Variants in MERTK observed in about 807,000 individuals in gnomAD.
MERTK encodes MER proto-oncogene, tyrosine kinase.
Under a neutral mutation model 99.3 loss-of-function variants are expected in MERTK, and 69 were observed. That is an observed-to-expected ratio of 0.70 (90% CI 0.57 to 0.85). The LOEUF is 0.85. MERTK is among the 40% of genes least tolerant of loss of function. The probability of loss-of-function intolerance (pLI) is 0.00; values close to 1 mark genes in which losing one functional copy is unlikely to be tolerated. For missense variants in MERTK, 1,125 were observed against 1,249.4 expected, an observed-to-expected ratio of 0.90 and a Z score of 1.50; for synonymous variants, 426 against 467.6, an observed-to-expected ratio of 0.91 and a Z score of 1.15.
intron 1 of MERTK, among the ~76,000 whole-genome samples, chr2:111,924,813 C>G (rs529875117): frequency 1.3e-5 from 2 of 152,152 alleles, no homozygotes; most frequent in Non-Finnish European, 2.9e-5. Flanking sequence ...TTCCCACCAC[C>G]TTTGACCCTG....
chr2:111,975,507 A>G, intron 7 of MERTK, 35 bp downstream of exon 7: 2 of 1,604,024 alleles, frequency 1.2e-6, no homozygotes, highest in Non-Finnish European at 1.7e-6. Context: ...TATTGCCCCC[A>G]ATGACATGTG....
chr2:111,962,642 T>G (rs1685271942), intron 4 of MERTK, among the ~76,000 whole-genome samples: 1 of 152,236 alleles, frequency 6.6e-6, no homozygotes, highest in African/African-American at 2.4e-5. Context: ...TTTGCTACAA[T>G]TGATGAACCA....
chr2:111,965,869 G>T (rs539439762), intron 5 of MERTK, among the ~76,000 whole-genome samples: 42 of 152,258 alleles, frequency 2.8e-4, no homozygotes, highest in Non-Finnish European at 5.0e-4. Context: ...CTCTGAGCTA[G>T]GATTTCACTA....
intron 1 of MERTK, among the ~76,000 whole-genome samples, chr2:111,908,180 G>A (rs1684175863): frequency 6.6e-6 from 1 of 152,164 alleles, no homozygotes; most frequent in Non-Finnish European, 1.5e-5. Context: ...AGAATGTTGA[G>A]CTGGATGATT....
Position 111,975,394 on chromosome 2 carries a change from A to G in MERTK, c.1066A>G (p.Ser356Gly). 4 of 1,614,206 alleles carry G rather than the reference A, an allele frequency of 2.5e-6. No individual in the cohort carries two copies. Among genetic ancestry groups the G allele is most frequent in the Non-Finnish European group, 3.4e-6 (4 of 1,180,034 alleles). ...IKQLQALANYSIGVSCMNEIG... is the reference protein window; with the variant it reads ...IKQLQALANYGIGVSCMNEIG... ...GCAGCTGCAAGCCCTGGCTAATTACAGCATTGGTGTTTCCTGCATGAATGA... is the reference window on the plus strand; with the variant it reads ...GCAGCTGCAAGCCCTGGCTAATTACGGCATTGGTGTTTCCTGCATGAATGA... The change falls in exon 7 of 19, where the codon AGC (serine) becomes GGC (glycine). Residue 356 changes from serine to glycine, a missense_variant. Coordinates refer to ENST00000295408, the MANE Select transcript of MERTK (RefSeq NM_006343.3).
intron 1 of MERTK, among the ~76,000 whole-genome samples, chr2:111,914,620 G>A (rs1313589172): frequency 2.0e-5 from 3 of 152,060 alleles, no homozygotes; most frequent in East Asian, 1.9e-4. Flanking sequence ...CCCCATGAGC[G>A]AATATTGAAT....
At chr2:112,009,924 T>C (rs772101084) in intron 14 of MERTK, 24 bp from the exon 15 acceptor site, 21 of 1,542,558 alleles carry the variant, frequency 1.4e-5, no homozygotes. Flanking sequence ...CTCTTTGTAA[T>C]TGATGCTGTG....
chr2:111,961,679 G>A (rs1380902416), intron 4 of MERTK, among the ~76,000 whole-genome samples: 1 of 152,158 alleles, frequency 6.6e-6, no homozygotes, highest in Non-Finnish European at 1.5e-5. Context: ...TGTAGTCAGG[G>A]AAACGCAGAC....
intron 4 of MERTK, among the ~76,000 whole-genome samples, chr2:111,948,232 T>C (rs1273233587): frequency 6.6e-6 from 1 of 152,160 alleles, no homozygotes; most frequent in African/African-American, 2.4e-5. Flanking sequence ...CCTGAGGCTG[T>C]TCTAGGCCTT....
intron 1 of MERTK, among the ~76,000 whole-genome samples, chr2:111,917,349 T>A (rs1011781349): frequency 1.3e-5 from 2 of 152,182 alleles, no homozygotes; most frequent in African/African-American, 4.8e-5. Context: ...GATTTCTCAC[T>A]TGACTTTTGC....
intron 1 of MERTK, among the ~76,000 whole-genome samples, chr2:111,900,822 G>A (rs181089364): frequency 2.0e-5 from 3 of 152,270 alleles, no homozygotes; most frequent in Admixed American, 2.0e-4. Context: ...AAGGAGTGCT[G>A]TATGAAGAAA....
chr2:111,961,156 C>CTCTTTT (rs1685242099), intron 4 of MERTK, among the ~76,000 whole-genome samples: 11 of 98,082 alleles, frequency 1.1e-4, no homozygotes, highest in Non-Finnish European at 2.0e-4. Flanking sequence ...AATTTTCTTT[C>CTCTTTT]TTTTTTTTTT....
At chr2:111,977,521 G>A (rs1676277018) in intron 7 of MERTK, among the ~76,000 whole-genome samples, 1 of 152,092 alleles carries the variant, frequency 6.6e-6, no homozygotes, top group South Asian at 2.1e-4. Context: ...ATTGTGACAG[G>A]CTTTGGTGTA....
intron 3 of MERTK, among the ~76,000 whole-genome samples, chr2:111,946,346 A>G (rs1684961683): frequency 6.6e-6 from 1 of 152,244 alleles, no homozygotes; most frequent in South Asian, 2.1e-4. Flanking sequence ...AAAAACCTTG[A>G]AACAGGATAA....
chr2:111,902,267 G>C (rs1050031721), intron 1 of MERTK, among the ~76,000 whole-genome samples: 3 of 152,186 alleles, frequency 2.0e-5, no homozygotes, highest in African/African-American at 7.2e-5. Flanking sequence ...GTCAGCATTG[G>C]TCAAGAAGAG....
intron 6 of MERTK, among the ~76,000 whole-genome samples, chr2:111,974,769 CAAAAAA>C (rs35594851): frequency 5.4e-4 from 29 of 53,380 alleles, no homozygotes; most frequent in African/African-American, 8.7e-4. Flanking sequence ...AGGTCCATCT[CAAAAAA>C]AAAAAAAAAA....
chr2:111,929,558 C>T lies in MERTK; in HGVS notation c.482+18C>T, dbSNP rs1246098157. The T allele has an allele frequency of 6.9e-7, 1 of 1,451,418 alleles. No homozygotes were observed. The highest frequency in any genetic ancestry group is 9.2e-7 in the Non-Finnish European group (1 of 1,082,902). The allele number at this position is 1,451,418 out of a possible 1,614,324, so 89.9% of individuals were successfully genotyped here. A position where few individuals can be genotyped will look rare whatever the true frequency, so the allele number is the denominator to read the frequency against. On this transcript the variant is annotated intron_variant, in intron 2 of 18. Transcript: ENST00000295408. ...TCCTTCAGGTATGTGTTCTTTCTTC[C>T]TTTTTTATTTTTTTAGTTTTAATAT...
At chr2:111,991,671 C>T (rs534171746) in intron 8 of MERTK, among the ~76,000 whole-genome samples, 15 of 152,208 alleles carry the variant, frequency 9.9e-5, no homozygotes, top group South Asian at 4.2e-4. Flanking sequence ...ACATTCTTAA[C>T]GGTCATATTT....
chr2:111,901,558 TC>T (rs1336230254), intron 1 of MERTK, among the ~76,000 whole-genome samples: 1 of 134,258 alleles, frequency 7.4e-6, no homozygotes, highest in African/African-American at 2.8e-5. Flanking sequence ...TTTCTTTCTT[TC>T]TTTTTTTTTT....
Sources: gnomAD v4.1 joint callset for allele counts (sites outside exome capture counted in the v4.1 genomes callset) on GRCh38, gnomAD v4.1.1 for gene constraint, MANE v1.5 for transcripts, NCBI Gene and HGNC (gene_info 2026-07-23, HGNC 2026-07-21) for gene names.